Variants in REXO4 observed in about 807,000 individuals in gnomAD.
The protein encoded by REXO4 is RNA exonuclease 4.
A neutral mutation model predicts 39.9 loss-of-function variants in REXO4; 29 were observed. That is an observed-to-expected ratio of 0.73 (90% CI 0.54 to 0.99). The LOEUF is 0.99. Among genes scored for constraint, REXO4 ranks in the 50% least tolerant of loss-of-function variants. The pLI, the probability that REXO4 is intolerant of heterozygous loss-of-function variation, is 0.00. For missense variants in REXO4, 524 were observed against 546.5 expected (o/e 0.96, Z 0.41); for synonymous variants, 184 against 206.2 (o/e 0.89, Z 0.92).
At position 133,406,770 on chromosome 9, in the gene REXO4, A is replaced by T; in HGVS notation, c.*183T>A. ...GGCCCAAACACACATGGACAGTAAG[A>T]CCAGGTTTCAGACCACAAAGTCAAG... On this transcript the variant is annotated 3_prime_UTR_variant, in exon 8 of 8. Transcript: ENST00000371942. 1.1e-6 allele frequency: 1 copy of T among 869,668 alleles called. No homozygotes were observed. The highest frequency in any genetic ancestry group is 1.6e-5 in the South Asian group (1 of 60,652). The allele number at this position is 869,668 out of a possible 1,614,324, so 53.9% of individuals were successfully genotyped here.
chr9:133,412,563 GAT>G, intron 3 of REXO4, 71 bp from the exon 4 acceptor site: 1 of 1,542,804 alleles, frequency 6.5e-7, no homozygotes, highest in Non-Finnish European at 8.9e-7. Context: ...GAGCCCCAGG[GAT>G]CCATGGACTA....
intron 4 of REXO4, 72 bp from the exon 5 acceptor site, chr9:133,411,145 C>A: frequency 8.0e-7 from 1 of 1,242,858 alleles, no homozygotes; most frequent in East Asian, 2.3e-5. Flanking sequence ...GAGGCAGCCC[C>A]GCTCCTACCC....
At position 133,407,898 on chromosome 9, in the gene REXO4, G is replaced by C. The variant is rs1169259491; in HGVS notation, c.1075-17C>G. 3.1e-6 allele frequency: 5 copies of C among 1,605,814 alleles called. No individual in the cohort carries two copies. The highest frequency in any genetic ancestry group is 3.4e-6 in the Non-Finnish European group (4 of 1,173,964). On this transcript the variant is annotated splice_polypyrimidine_tract_variant and intron_variant, in intron 6 of 7. Coordinates refer to ENST00000371942, the MANE Select transcript of REXO4 (RefSeq NM_020385.4). ...CCTTCCACTCTGCAAAGGGGGAAGAGGCGGGTGGGGGCCTCTGCAGGCTCG... is the reference window on the plus strand; with the variant it reads ...CCTTCCACTCTGCAAAGGGGGAAGACGCGGGTGGGGGCCTCTGCAGGCTCG...
rs782619382 is a variant in REXO4 at position 133,415,060 on chromosome 9, C to G, written c.226-49G>C. 2.0e-6 allele frequency: 3 copies of G among 1,503,206 alleles called. 1 individual carries two copies. The South Asian group carries it at 4.0e-5, about 20-fold the overall frequency. The allele number at this position is 1,503,206 out of a possible 1,614,324, so 93.1% of individuals were successfully genotyped here. On this transcript the variant is annotated intron_variant, in intron 1 of 7. Coordinates refer to ENST00000371942, the MANE Select transcript of REXO4 (RefSeq NM_020385.4). ...GCTGCATTTGAATTTGGAAATTACA[C>G]ACAGCAGATTGAAAAAACTTACGTG...
intron 1 of REXO4, among the ~76,000 whole-genome samples, chr9:133,416,054 GA>G (rs1839576733): frequency 6.6e-6 from 1 of 152,136 alleles, no homozygotes; most frequent in Non-Finnish European, 1.5e-5. Flanking sequence ...AATTTATAAA[GA>G]AAAAACGTTT....
At chr9:133,416,266 G>A (rs781828307) in intron 1 of REXO4, among the ~76,000 whole-genome samples, 24 of 152,166 alleles carry the variant, frequency 1.6e-4, no homozygotes, top group South Asian at 2.1e-4. Context: ...GAACTTACTC[G>A]TTACTGAGGG....
At chr9:133,418,164 C>T (rs1839792490), upstream of REXO4, 1 of 398,682 alleles carries the variant, frequency 2.5e-6, no homozygotes, top group Non-Finnish European at 4.5e-6. Context: ...GGTCATCGAC[C>T]TCGAGTTTGA....
rs1554781143 is a variant in REXO4 at position 133,414,739 on chromosome 9, AT to A, written c.497del (p.Asp166ValfsTer43). ...CGATGTCCCCTCGTTCTGGAACAAT[AT>A]CACCATTTGTCCTTTCCTTGGTTCC... ...KKGTKERTNG[D>X]IVPERGDIEH... is the part of the protein sequence containing the mutation. On this transcript the variant is annotated frameshift_variant, in exon 2 of 8. Coordinates refer to ENST00000371942, the MANE Select transcript of REXO4 (RefSeq NM_020385.4). LOFTEE classifies it high-confidence loss of function. The A allele has an allele frequency of 2.5e-6, 4 of 1,613,980 alleles. No individual in the cohort carries two copies. In the African/African-American group the frequency reaches 5.3e-5, roughly 22 times the overall value.
chr9:133,407,130 C>G, intron 7 of REXO4, 58 bp from the exon 8 acceptor site: 1 of 1,604,610 alleles, frequency 6.2e-7, no homozygotes, highest in Non-Finnish European at 8.5e-7. Flanking sequence ...CCACAGTCAA[C>G]CCCACAATGA....
At chr9:133,409,936 G>A (rs1839124425) in intron 5 of REXO4, among the ~76,000 whole-genome samples, 1 of 152,176 alleles carries the variant, frequency 6.6e-6, no homozygotes, top group Non-Finnish European at 1.5e-5. Context: ...AGTCAGGAGG[G>A]AAGGACGAGT....
intron 2 of REXO4, among the ~76,000 whole-genome samples, chr9:133,414,042 C>T (rs1554780858): frequency 6.6e-6 from 1 of 152,242 alleles, no homozygotes; most frequent in Non-Finnish European, 1.5e-5. Context: ...ACTCCCGGTC[C>T]ACCCCACGTG....
In REXO4 at chr9:133,412,923, T is replaced by C; in HGVS notation, c.573-2A>G. ...ACGTCGTCAAACCAGATGTCTTCCC[T>C]AAAAGGCAAAGATAACAGGCTGATC... On this transcript the variant is annotated splice_acceptor_variant, in intron 2 of 7. Transcript: ENST00000371942. LOFTEE classifies it high-confidence loss of function. 1 of 1,613,636 alleles carries C rather than the reference T, an allele frequency of 6.2e-7. No individual in the cohort carries two copies. Among genetic ancestry groups the C allele is most frequent in the Non-Finnish European group, 8.5e-7 (1 of 1,179,886 alleles).
In REXO4 at chr9:133,408,843, C is replaced by T. The variant is rs782396383; in HGVS notation, c.1000-1G>A. The T allele has an allele frequency of 1.9e-6, 3 of 1,559,584 alleles. No individual in the cohort carries two copies. In the South Asian group the frequency reaches 3.4e-5, roughly 18 times the overall value. ...TTTTTGGATGATCAAGAAATAGTAC[C>T]TAGAAAAATAAAATATAATGATAAT... is the stretch of plus-strand genomic sequence containing the variant. On this transcript the variant is annotated splice_acceptor_variant, in intron 5 of 7. Coordinates refer to ENST00000371942, the MANE Select transcript of REXO4 (RefSeq NM_020385.4). LOFTEE classifies it high-confidence loss of function.
At chr9:133,407,771 C>G in intron 7 of REXO4, 36 bp downstream of exon 7, 1 of 1,594,480 alleles carries the variant, frequency 6.3e-7, no homozygotes, top group East Asian at 2.3e-5. Flanking sequence ...GGAAACCGCC[C>G]CAAACCCCAT....
chr9:133,417,902 C>T lies in REXO4; in HGVS notation c.-58G>A. The T allele has an allele frequency of 2.0e-6, 3 of 1,521,444 alleles. No homozygotes were observed. The highest frequency in any genetic ancestry group is 2.6e-6 in the Non-Finnish European group (3 of 1,133,000). 94.2% of individuals were successfully genotyped at this position (1,521,444 alleles called of 1,614,324 possible). A position where few individuals can be genotyped will look rare whatever the true frequency, so the allele number is the denominator to read the frequency against. On this transcript the variant is annotated 5_prime_UTR_variant, in exon 1 of 8. Transcript: ENST00000371942. ...ACCCGAGACCCCGGCCTCCCCGGGC[C>T]CGGCGCCCTGGCAGCACAAGCGCCT...
intron 6 of REXO4, 27 bp downstream of exon 6, chr9:133,408,741 A>C: frequency 6.8e-7 from 1 of 1,464,724 alleles, no homozygotes; most frequent in Non-Finnish European, 9.5e-7. Context: ...GAAATACAGT[A>C]TCTTGAGTCA....
rs377274676 is a variant in REXO4 at position 133,411,112 on chromosome 9, A to T, written c.911-39T>A. ...ACAAAGAAGCGGTTTTTTGCAACAC[A>T]CACATCACCATCATTCTGTGAGGAG... On this transcript the variant is annotated intron_variant, in intron 4 of 7. Transcript: ENST00000371942. 5 of 1,516,260 alleles carry T rather than the reference A, an allele frequency of 3.3e-6. No homozygotes were observed. In the African/African-American group the frequency reaches 4.1e-5, roughly 12 times the overall value. 93.9% of individuals were successfully genotyped at this position (1,516,260 alleles called of 1,614,324 possible). A position where few individuals can be genotyped will look rare whatever the true frequency, so the allele number is the denominator to read the frequency against.
chr9:133,417,391 G>A (rs1475057317), intron 1 of REXO4, among the ~76,000 whole-genome samples: 1 of 152,198 alleles, frequency 6.6e-6, no homozygotes, highest in African/African-American at 2.4e-5. Context: ...AAGGTACAAG[G>A]GTTTATCTTT....
intron 4 of REXO4, 132 bp downstream of exon 4, chr9:133,412,167 C>T (rs894007102): frequency 4.5e-5 from 41 of 904,488 alleles, no homozygotes; most frequent in East Asian, 9.7e-5. Flanking sequence ...TAAAACCCAT[C>T]GCCCCAAAAG....
Sources: allele counts gnomAD v4.1 joint callset (sites outside exome capture counted in the v4.1 genomes callset), GRCh38; gene constraint gnomAD v4.1.1; transcripts MANE v1.5; gene names NCBI Gene and HGNC (gene_info 2026-07-23, HGNC 2026-07-21).